Variants in ZNF850 observed in about 807,000 individuals in gnomAD.
ZNF850 encodes the protein zinc finger protein 850, also known as putative zinc finger protein ENSP00000330994.
Under a neutral mutation model 11.9 loss-of-function variants are expected in ZNF850, and 2 were observed. The observed-to-expected ratio is 0.17, with a 90% CI of 0.07 to 0.53. ZNF850 has a LOEUF of 0.53. Among genes scored for constraint, ZNF850 ranks in the 20% least tolerant of loss-of-function variants. The pLI is 0.94. For missense variants in ZNF850, 1,014 were observed against 1,316.4 expected (o/e 0.77, Z 3.55); for synonymous variants, 381 against 443.0 (o/e 0.86, Z 1.76).
intron 1 of ZNF850, among the ~76,000 whole-genome samples, chr19:36,768,705 G>A (rs2040562899): frequency 2.0e-5 from 3 of 152,068 alleles, no homozygotes; most frequent in Admixed American, 2.0e-4. Flanking sequence ...GCTCTTCCCT[G>A]TAATCCCAGC....
At chr19:36,768,102 A>T (rs533757801) in intron 1 of ZNF850, among the ~76,000 whole-genome samples, 1 of 152,148 alleles carries the variant, frequency 6.6e-6, no homozygotes, top group Admixed American at 6.6e-5. Flanking sequence ...TCTCTGCAAA[A>T]ATAAAATAAA....
intron 4 of ZNF850, among the ~76,000 whole-genome samples, chr19:36,754,648 C>T (rs1324544362): frequency 1.3e-5 from 2 of 151,972 alleles, no homozygotes; most frequent in Admixed American, 6.6e-5. Flanking sequence ...CTCTGCCCTC[C>T]GAGTTCAAGC....
At chr19:36,761,266 C>G (rs1312302268) in intron 4 of ZNF850, among the ~76,000 whole-genome samples, 5 of 151,948 alleles carry the variant, frequency 3.3e-5, no homozygotes, top group African/African-American at 1.2e-4. Context: ...ATGGTAAAAC[C>G]CCGTCTCTAC....
At position 36,746,524 on chromosome 19, in the gene ZNF850, ATT is replaced by A. The variant is rs1193633570; in HGVS notation, c.*1241_*1242del. The stretch of plus-strand genomic sequence containing the variant: ...TGCCACCATGTCTGGCTGATTTTGT[ATT>A]TTTAGTAGAGATGGGGTTTCAACAT... On this transcript the variant is annotated 3_prime_UTR_variant, in exon 5 of 5. Transcript: ENST00000591344. 2.0e-5 allele frequency: 3 copies of A among 151,986 alleles called. No individual in the cohort carries two copies. In the East Asian group the frequency reaches 5.9e-4, roughly 30 times the overall value. 9.4% of individuals were successfully genotyped at this position (151,986 alleles called of 1,614,324 possible). A position where few individuals can be genotyped will look rare whatever the true frequency, so the allele number is the denominator to read the frequency against.
rs879094773 is a variant in ZNF850 at position 36,749,684 on chromosome 19, C to T, written c.1356G>A (p.Lys452=). ...IHTGEKPYDC[K]ECGKSFASGS... ...CCGAAGCAAAAGATTTCCCACACTCCTTACAATCATAGGGTTTCTCACCAG... is the reference window on the plus strand; with the variant it reads ...CCGAAGCAAAAGATTTCCCACACTCTTTACAATCATAGGGTTTCTCACCAG... The change falls in exon 5 of 5, where the codon AAG becomes AAA. Residue 452 remains lysine, a synonymous_variant. Transcript: ENST00000591344. The T allele has an allele frequency of 7.1e-6, 11 of 1,557,534 alleles. No homozygotes were observed. The highest frequency in any genetic ancestry group is 1.4e-5 in the African/African-American group (1 of 72,818).
chr19:36,761,106 T>C lies in ZNF850; in HGVS notation c.235+537A>G, dbSNP rs549066034. ...TTTATTCTTTGAAATGGGAAGAAATTATGACAAGAGGGTAGCACAGACTGA... is the reference window on the plus strand; with the variant it reads ...TTTATTCTTTGAAATGGGAAGAAATCATGACAAGAGGGTAGCACAGACTGA... On this transcript the variant is annotated intron_variant, in intron 4 of 4. Coordinates refer to ENST00000591344, the MANE Select transcript of ZNF850 (RefSeq NM_001193552.2). 3.3e-5 allele frequency among the ~76,000 whole-genome samples: 5 copies of C among 151,952 alleles called. No homozygotes were observed. In the South Asian group the frequency reaches 8.3e-4, roughly 25 times the overall value.
At chr19:36,760,225 TG>T (rs1308170654) in intron 4 of ZNF850, among the ~76,000 whole-genome samples, 1 of 151,694 alleles carries the variant, frequency 6.6e-6, no homozygotes, top group Non-Finnish European at 1.5e-5. Context: ...GTGGGCAGAT[TG>T]CCTCAGCTCA....
In ZNF850 at chr19:36,747,690, A is replaced by T; in HGVS notation, c.*77T>A. 1 of 1,293,136 alleles carries T rather than the reference A, an allele frequency of 7.7e-7. No individual in the cohort carries two copies. The allele number at this position is 1,293,136 out of a possible 1,614,324, so 80.1% of individuals were successfully genotyped here. On this transcript the variant is annotated 3_prime_UTR_variant, in exon 5 of 5. Transcript: ENST00000591344. ...AAAAAGTGAATATGAAGTAATACAC[A>T]TCCATTGTATTTGACCCACATATGG... is the stretch of plus-strand genomic sequence containing the variant.
At position 36,748,472 on chromosome 19, in the gene ZNF850, T is replaced by C. The variant is rs1600603130; in HGVS notation, c.2568A>G (p.Leu856=). The C allele has an allele frequency of 9.1e-6, 14 of 1,546,384 alleles. No homozygotes were observed. The highest frequency in any genetic ancestry group is 5.5e-5 in the African/African-American group (4 of 73,244). ...CAGTGTGAATTCGCTGATGTTCAATTAGTGTTGAGCGAGAAGTAAAAGATT... is the reference window on the plus strand; with the variant it reads ...CAGTGTGAATTCGCTGATGTTCAATCAGTGTTGAGCGAGAAGTAAAAGATT... ...CGKSFTSRST[L]IEHQRIHTGE... is the part of the protein sequence containing the mutation. The change falls in exon 5 of 5, where the codon CTA becomes CTG. Residue 856 remains leucine (L), a synonymous_variant. Transcript: ENST00000591344.
At chr19:36,757,818 C>T (rs1051639136) in intron 4 of ZNF850, among the ~76,000 whole-genome samples, 2 of 151,802 alleles carry the variant, frequency 1.3e-5, no homozygotes, top group African/African-American at 2.4e-5. Context: ...TGAGCCACTG[C>T]GCCCAGCCTC....
Position 36,744,155 on chromosome 19 carries a change from C to T in ZNF850, c.*3612G>A, listed in dbSNP as rs1335074325. On this transcript the variant is annotated 3_prime_UTR_variant, in exon 5 of 5. Coordinates refer to ENST00000591344, the MANE Select transcript of ZNF850 (RefSeq NM_001193552.2). ...TCGTGCCATTGCACTCCAGCCTGGG[C>T]AACAATAGCAAAACTCCCGTCTCAA... 5 of 144,188 alleles carry T rather than the reference C, an allele frequency of 3.5e-5. No individual in the cohort carries two copies. The highest frequency in any genetic ancestry group is 7.5e-5 in the Non-Finnish European group (5 of 66,422). 8.9% of individuals were successfully genotyped at this position (144,188 alleles called of 1,614,324 possible).
At chr19:36,750,925 G>GC (rs2040449849) in intron 4 of ZNF850, 121 bp from the exon 5 acceptor site, 9 of 1,124,564 alleles carry the variant, frequency 8.0e-6, no homozygotes, top group Admixed American at 2.9e-5. Context: ...GATGTGTTGG[G>GC]CGTGGTGGCT....
chr19:36,767,472 G>A (rs1323018887), intron 1 of ZNF850, among the ~76,000 whole-genome samples: 8 of 152,040 alleles, frequency 5.3e-5, no homozygotes, highest in East Asian at 3.9e-4. Context: ...CAGGAGAATC[G>A]CTTGAACCCA....
At position 36,746,398 on chromosome 19, in the gene ZNF850, G is replaced by A. The variant is rs761227292; in HGVS notation, c.*1369C>T. 1 of 152,182 alleles carries A rather than the reference G, an allele frequency of 6.6e-6. No homozygotes were observed. Among genetic ancestry groups the A allele is most frequent in the Non-Finnish European group, 1.5e-5 (1 of 68,056 alleles). The allele number at this position is 152,182 out of a possible 1,614,324, so 9.4% of individuals were successfully genotyped here. ...CAAACTTAATTGATAAACACTGTGT[G>A]TGTTCTGACTGCTCCACTGACTGGC... is the stretch of plus-strand genomic sequence containing the variant. On this transcript the variant is annotated 3_prime_UTR_variant, in exon 5 of 5. Transcript: ENST00000591344.
intron 4 of ZNF850, among the ~76,000 whole-genome samples, chr19:36,755,329 T>C (rs1484109358): frequency 6.6e-6 from 1 of 152,022 alleles, no homozygotes; most frequent in Non-Finnish European, 1.5e-5. Flanking sequence ...CCAGGTTCAA[T>C]CAGTTCTGTG....
intron 1 of ZNF850, among the ~76,000 whole-genome samples, chr19:36,772,515 T>C (rs930126811): frequency 6.6e-6 from 1 of 151,922 alleles, no homozygotes; most frequent in Non-Finnish European, 1.5e-5. Flanking sequence ...TCACCGGTTC[T>C]TCACATCCGC....
In ZNF850 at chr19:36,747,897, T is replaced by C. The variant is rs1455212980; in HGVS notation, c.3143A>G (p.Tyr1048Cys). Residue 1048 changes from tyrosine (Y) to cysteine (C), a missense_variant, in exon 5 of 5, where the codon TAT (tyrosine) becomes TGT (cysteine). Physicochemically the swap from Tyr to Cys is radical, Grantham distance 194. This residue lies in a region of ZNF850 where 179 missense variants were observed against 294.4 expected (regional missense o/e 0.61). Transcript: ENST00000591344. ...CTGATGTCGGCTGAGTCCTGAGGCA[T>C]AGAAAAAGGCTTTCCCACATTCCGG... ...QCPECGKAFF[Y>C]ASGLSRHQSV... The C allele has an allele frequency of 6.4e-7, 1 of 1,568,084 alleles. No individual in the cohort carries two copies. Among genetic ancestry groups the C allele is most frequent in the Non-Finnish European group, 8.6e-7 (1 of 1,161,408 alleles).
Position 36,745,974 on chromosome 19 carries a change from T to A in ZNF850, c.*1793A>T, listed in dbSNP as rs1355209280. 6.6e-6 allele frequency: 1 copy of A among 152,242 alleles called. No homozygotes were observed. Among genetic ancestry groups the A allele is most frequent in the East Asian group, 1.9e-4 (1 of 5,198 alleles). The allele number at this position is 152,242 out of a possible 1,614,324, so 9.4% of individuals were successfully genotyped here. ...TTTGGCCGACTTCTTTACTGCAAGA[T>A]GTTTTCTCAGCAAGGTCTTTATGAC... On this transcript the variant is annotated 3_prime_UTR_variant, in exon 5 of 5. Transcript: ENST00000591344.
intron 4 of ZNF850, among the ~76,000 whole-genome samples, chr19:36,756,243 A>G (rs2145961061): frequency 6.6e-6 from 1 of 152,218 alleles, no homozygotes; most frequent in East Asian, 1.9e-4. Flanking sequence ...CTACTTGTTC[A>G]CTAAGATCTC....
Sources: gnomAD v4.1 joint callset for allele counts (sites outside exome capture counted in the v4.1 genomes callset) on GRCh38, gnomAD v4.1.1 for gene constraint, gnomAD v4.1.1 regional missense constraint, MANE v1.5 for transcripts, NCBI Gene and HGNC (gene_info 2026-07-23, HGNC 2026-07-21) for gene names.